The following PRKAR2A variants were observed in gnomAD, a reference collection of about 807,000 sequenced individuals.
PRKAR2A encodes protein kinase cAMP-dependent type II regulatory subunit alpha.
PRKAR2A carries 29 observed loss-of-function variants against 51.9 expected under a neutral mutation model. That is an observed-to-expected ratio of 0.56 (90% confidence interval 0.42 to 0.76). The LOEUF is 0.76. PRKAR2A is among the 30% of genes least tolerant of loss of function. The pLI, the probability that PRKAR2A is intolerant of heterozygous loss-of-function variation, is 0.00. For synonymous variants in PRKAR2A, 178 were observed against 186.2 expected, an observed-to-expected ratio of 0.96 and a Z score of 0.36; for missense variants, 445 against 512.1, an observed-to-expected ratio of 0.87 and a Z score of 1.26.
chr3:48,761,746 G>A (rs2081865937), intron 8 of PRKAR2A, among the ~76,000 whole-genome samples: 1 of 152,098 alleles, frequency 6.6e-6, no homozygotes, highest in South Asian at 2.1e-4. Flanking sequence ...CCAAGTAGCT[G>A]GGATTACAGT....
rs749908420 is a variant in PRKAR2A at position 48,807,663 on chromosome 3, T to C, written c.284A>G (p.Asn95Ser). 2 of 1,601,986 alleles carry C rather than the reference T, an allele frequency of 1.2e-6. No homozygotes were observed. Among genetic ancestry groups the C allele is most frequent in the Admixed American group, 3.3e-5 (2 of 59,764 alleles). The change falls in exon 2 of 11, where the codon AAT becomes AGT. Residue 95 changes from asparagine (N) to serine (S), a missense_variant. By Grantham distance (46) the Asn-to-Ser change is conservative (BLOSUM62 1). Transcript: ENST00000265563. ...DLEVPVPSRFNRRVSVCAETY... is the reference protein window; with the variant it reads ...DLEVPVPSRFSRRVSVCAETY... ...AGAACACATACCTGATACTCGTCTA[T>C]TAAATCTGCTAGGAACTGGAACTGC...
Position 48,847,498 on chromosome 3 carries a change from T to G in PRKAR2A, c.99A>C (p.Ala33=). ...RQQPPDLVEF[A]VEYFTRLREA... is the part of the protein sequence containing the mutation. Reference sequence around the variant, plus strand: ...CGCGCAGGCGGGTGAAGTACTCCACTGCGAATTCGACGAGGTCAGGCGGCT... The same window carrying G: ...CGCGCAGGCGGGTGAAGTACTCCACGGCGAATTCGACGAGGTCAGGCGGCT... The change falls in exon 1 of 11, where the codon GCA becomes GCC. Residue 33 remains alanine, a synonymous_variant. Coordinates refer to ENST00000265563, the MANE Select transcript of PRKAR2A (RefSeq NM_004157.4). The surrounding 1 kb of genome is among the most constrained non-coding windows in gnomAD (Gnocchi z 4.4). 1 of 1,556,440 alleles carries G rather than the reference T, an allele frequency of 6.4e-7. No individual in the cohort carries two copies. The highest frequency in any genetic ancestry group is 8.7e-7 in the Non-Finnish European group (1 of 1,150,484).
At chr3:48,826,827 C>T (rs951823565) in intron 1 of PRKAR2A, among the ~76,000 whole-genome samples, 5 of 151,214 alleles carry the variant, frequency 3.3e-5, no homozygotes, top group African/African-American at 7.3e-5. Flanking sequence ...CTTTATTATA[C>T]ACCAAAAAAC....
chr3:48,792,692 C>T (rs1014401207), intron 3 of PRKAR2A, among the ~76,000 whole-genome samples: 5 of 151,824 alleles, frequency 3.3e-5, no homozygotes, highest in Non-Finnish European at 5.9e-5. Context: ...AACTCCTGAC[C>T]TCAGGTGATC....
At chr3:48,804,133 A>G (rs896524942) in intron 2 of PRKAR2A, among the ~76,000 whole-genome samples, 1 of 152,122 alleles carries the variant, frequency 6.6e-6, no homozygotes. Context: ...GGAGAATTGA[A>G]CTTAACAAAG....
chr3:48,766,576 AT>A (rs1240595330), intron 6 of PRKAR2A, among the ~76,000 whole-genome samples: 1 of 152,144 alleles, frequency 6.6e-6, no homozygotes, highest in Non-Finnish European at 1.5e-5. Context: ...TCAAAAAAAA[AT>A]AAAATAAAAA....
chr3:48,827,187 C>T (rs772604202), intron 1 of PRKAR2A, among the ~76,000 whole-genome samples: 2 of 151,940 alleles, frequency 1.3e-5, no homozygotes, highest in South Asian at 4.1e-4. Flanking sequence ...GAGAAACCAA[C>T]CAACTAGTTG....
chr3:48,777,846 T>C (rs934423296), intron 5 of PRKAR2A, among the ~76,000 whole-genome samples: 1 of 152,184 alleles, frequency 6.6e-6, no homozygotes, highest in Non-Finnish European at 1.5e-5. Context: ...GTAGGGAAGC[T>C]GACCTGTCCT....
chr3:48,791,711 C>A (rs1291926749), intron 3 of PRKAR2A, among the ~76,000 whole-genome samples: 1 of 149,670 alleles, frequency 6.7e-6, no homozygotes, highest in East Asian at 2.0e-4. Flanking sequence ...TCGAAACCAG[C>A]CTGACCAACA....
In PRKAR2A at chr3:48,771,940, T is replaced by C. The variant is rs779109069; in HGVS notation, c.696+1015A>G. Reference sequence around the variant, plus strand: ...TGTTTAGCTGTTCGTTCTTTTGTTTTGTTTTGTTTTTGAGATGGAGTTTTG... The same window carrying C: ...TGTTTAGCTGTTCGTTCTTTTGTTTCGTTTTGTTTTTGAGATGGAGTTTTG... On this transcript the variant is annotated intron_variant, in intron 6 of 10. Coordinates refer to ENST00000265563, the MANE Select transcript of PRKAR2A (RefSeq NM_004157.4). Among the ~76,000 whole-genome samples the C allele has an allele frequency of 2.6e-5, 4 of 152,300 alleles. No individual in the cohort carries two copies. The South Asian group carries it at 8.3e-4, about 32-fold the overall frequency.
chr3:48,791,193 A>G (rs2082377413), intron 3 of PRKAR2A, among the ~76,000 whole-genome samples: 1 of 140,980 alleles, frequency 7.1e-6, no homozygotes, highest in Non-Finnish European at 1.5e-5. Flanking sequence ...AGGCTGAGGT[A>G]GGAGAATCGC....
chr3:48,806,458 C>A (rs1054308502), intron 2 of PRKAR2A, among the ~76,000 whole-genome samples: 1 of 151,944 alleles, frequency 6.6e-6, no homozygotes, highest in Non-Finnish European at 1.5e-5. Context: ...AAAAGGGGAG[C>A]CTTCTCAGGA....
At chr3:48,825,033 T>C (rs1207582619) in intron 1 of PRKAR2A, among the ~76,000 whole-genome samples, 8 of 141,014 alleles carry the variant, frequency 5.7e-5, no homozygotes, top group Non-Finnish European at 9.3e-5. Flanking sequence ...CTTTTCTTTT[T>C]TTTTTTTTTT....
intron 2 of PRKAR2A, among the ~76,000 whole-genome samples, chr3:48,807,007 G>C (rs1484284469): frequency 6.6e-6 from 1 of 152,040 alleles, no homozygotes; most frequent in South Asian, 2.1e-4. Flanking sequence ...TCCTCACCTC[G>C]TGATCCACCC....
At chr3:48,828,804 A>G (rs769208413) in intron 1 of PRKAR2A, among the ~76,000 whole-genome samples, 1 of 149,650 alleles carries the variant, frequency 6.7e-6, no homozygotes, top group Non-Finnish European at 1.5e-5. Flanking sequence ...GCAGTGGTTC[A>G]TGCCCATAAT....
intron 4 of PRKAR2A, among the ~76,000 whole-genome samples, chr3:48,783,339 C>A (rs2082233735): frequency 1.3e-5 from 2 of 152,118 alleles, no homozygotes; most frequent in Admixed American, 6.6e-5. Context: ...AAAATTTACA[C>A]AAAAATATTA....
intron 4 of PRKAR2A, 44 bp downstream of exon 4, chr3:48,790,500 C>A: frequency 7.2e-7 from 1 of 1,389,902 alleles, no homozygotes. Flanking sequence ...AGGAGCAAAG[C>A]TAAAAGATCA....
intron 1 of PRKAR2A, among the ~76,000 whole-genome samples, chr3:48,815,316 T>C (rs934799088): frequency 6.6e-6 from 1 of 151,580 alleles, no homozygotes; most frequent in Non-Finnish European, 1.5e-5. Flanking sequence ...ATATAAAATA[T>C]ATGATATACA....
chr3:48,830,122 G>A (rs1458700930), intron 1 of PRKAR2A, among the ~76,000 whole-genome samples: 1 of 150,904 alleles, frequency 6.6e-6, no homozygotes, highest in African/African-American at 2.4e-5. Flanking sequence ...GGAATCACTC[G>A]AACCTGGGAA....
Sources: gnomAD v4.1 joint callset for allele counts (sites outside exome capture counted in the v4.1 genomes callset) on GRCh38, gnomAD v4.1.1 for gene constraint, Gnocchi (gnomAD v3.1) non-coding constraint, MANE v1.5 for transcripts, NCBI Gene and HGNC (gene_info 2026-07-23, HGNC 2026-07-21) for gene names.